Variants in VPS72 observed in about 807,000 individuals in gnomAD.
VPS72 encodes the protein vacuolar protein sorting 72 homolog, also known as vacuolar protein sorting-associated protein 72 homolog.
Under a neutral mutation model 38.9 loss-of-function variants are expected in VPS72, and 27 were observed. That is an observed-to-expected ratio of 0.69 (90% CI 0.51 to 0.96). VPS72 has a LOEUF of 0.96. VPS72 is among the 40% of genes least tolerant of loss of function. The probability of loss-of-function intolerance (pLI) is 0.00; values close to 1 mark genes in which losing one functional copy is unlikely to be tolerated. For synonymous variants in VPS72, 173 were observed against 186.3 expected (o/e 0.93, Z 0.58); for missense variants, 360 against 479.5 (o/e 0.75, Z 2.33).
At position 151,184,460 on chromosome 1, in the gene VPS72, T is replaced by C; in HGVS notation, c.419A>G (p.His140Arg). Residue 140 changes from histidine to arginine, a missense_variant, in exon 4 of 6, where the codon CAT (histidine) becomes CGT (arginine). Transcript: ENST00000368892. ...RKSMRQSTAE[H>R]TRQTFLRVQE... is the part of the protein sequence containing the mutation. Reference sequence around the variant, plus strand: ...TACCCGAAGGAACGTTTGTCGTGTATGCTCAGCTGTAGACTGACGCATAGA... The same window carrying C: ...TACCCGAAGGAACGTTTGTCGTGTACGCTCAGCTGTAGACTGACGCATAGA... 1 of 1,613,856 alleles carries C rather than the reference T, an allele frequency of 6.2e-7. No homozygotes were observed. Among genetic ancestry groups the C allele is most frequent in the Non-Finnish European group, 8.5e-7 (1 of 1,180,044 alleles).
Position 151,176,794 on chromosome 1 carries a change from G to A in VPS72, c.945C>T (p.Ala315=), listed in dbSNP as rs752495001. 1.2e-6 allele frequency: 2 copies of A among 1,614,198 alleles called. No individual in the cohort carries two copies. The highest frequency in any genetic ancestry group is 4.5e-5 in the East Asian group (2 of 44,886). ...TGTAAGCCTCACGAATGATCTTGAA[G>A]GCTCGAGCAGTGGCATAGGGTATGT... ...VTDIPYATAR[A]FKIIREAYKK... The change falls in exon 6 of 6, where the codon GCC becomes GCT. Residue 315 remains alanine, a synonymous_variant. Coordinates refer to ENST00000368892, the MANE Select transcript of VPS72 (RefSeq NM_005997.3).
chr1:151,182,372 C>T (rs1684259616), intron 4 of VPS72, among the ~76,000 whole-genome samples: 1 of 152,150 alleles, frequency 6.6e-6, no homozygotes, highest in Non-Finnish European at 1.5e-5. Context: ...GCCAATTCCT[C>T]CACCATGCTG....
chr1:151,178,015 G>A lies in VPS72; in HGVS notation c.693C>T (p.Asn231=), dbSNP rs748672949. Residue 231 remains asparagine (N), a synonymous_variant, in exon 5 of 6, where the codon AAC becomes AAT. Transcript: ENST00000368892. ...LVGEPGPKEE[N]VDIEGLDPAP... is the part of the protein sequence containing the mutation. ...GATTCACTCACCCTTCTATGTCAACGTTCTCTTCCTTGGGGCCTGGCTCCC... is the reference window on the plus strand; with the variant it reads ...GATTCACTCACCCTTCTATGTCAACATTCTCTTCCTTGGGGCCTGGCTCCC... 15 of 1,613,962 alleles carry A rather than the reference G, an allele frequency of 9.3e-6. No homozygotes were observed. The highest frequency in any genetic ancestry group is 2.2e-5 in the East Asian group (1 of 44,884).
At chr1:151,183,569 C>G (rs1305732286) in intron 4 of VPS72, among the ~76,000 whole-genome samples, 1 of 151,114 alleles carries the variant, frequency 6.6e-6, no homozygotes, top group Non-Finnish European at 1.5e-5. Flanking sequence ...TCAAATGATT[C>G]TCTTGCCTCA....
At position 151,178,138 on chromosome 1, in the gene VPS72, A is replaced by G. The variant is rs755130198; in HGVS notation, c.570T>C (p.Tyr190=). The G allele has an allele frequency of 5.0e-6, 8 of 1,613,696 alleles. No homozygotes were observed. The African/African-American group carries it at 6.7e-5, about 13-fold the overall frequency. The change falls in exon 5 of 6, where the codon TAT becomes TAC. Residue 190 remains tyrosine, a synonymous_variant. Coordinates refer to ENST00000368892, the MANE Select transcript of VPS72 (RefSeq NM_005997.3). ...EELNLRSLET[Y]ERLEADKKKQ... Reference sequence around the variant, plus strand: ...TCTTTTTATCAGCCTCGAGCCGCTCATATGTCTCTTTAGGGTCAAAGGAAG... The same window carrying G: ...TCTTTTTATCAGCCTCGAGCCGCTCGTATGTCTCTTTAGGGTCAAAGGAAG...
At chr1:151,185,397 A>C in intron 3 of VPS72, 109 bp downstream of exon 3, 1 of 1,084,556 alleles carries the variant, frequency 9.2e-7, no homozygotes, top group Non-Finnish European at 1.4e-6. Flanking sequence ...AAGTGCTGGG[A>C]TTCTAGGAGT....
intron 4 of VPS72, among the ~76,000 whole-genome samples, chr1:151,180,318 C>CAA (rs587629860): frequency 3.8e-5 from 5 of 130,082 alleles, no homozygotes; most frequent in South Asian, 2.5e-4. Context: ...GACTCCGTCT[C>CAA]AAAAAAAAAA....
At chr1:151,186,510 G>C (rs1438291255) in intron 1 of VPS72, among the ~76,000 whole-genome samples, 1 of 151,140 alleles carries the variant, frequency 6.6e-6, no homozygotes. Context: ...AGTGAGCTGA[G>C]ATAGTGCCAC....
In VPS72 at chr1:151,176,497, C is replaced by A; in HGVS notation, c.*147G>T. ...TATTTTATTAGATTAAAAAACACAA[C>A]GAAACCTGTAAGAACTAGGGGAAAA... On this transcript the variant is annotated 3_prime_UTR_variant, in exon 6 of 6. Coordinates refer to ENST00000368892, the MANE Select transcript of VPS72 (RefSeq NM_005997.3). The A allele has an allele frequency of 3.7e-6, 5 of 1,337,772 alleles. No individual in the cohort carries two copies. Among genetic ancestry groups the A allele is most frequent in the East Asian group, 2.3e-5 (1 of 43,122 alleles). 82.9% of individuals were successfully genotyped at this position (1,337,772 alleles called of 1,614,324 possible). A position where few individuals can be genotyped will look rare whatever the true frequency, so the allele number is the denominator to read the frequency against.
At chr1:151,182,756 C>CT (rs1214832670) in intron 4 of VPS72, among the ~76,000 whole-genome samples, 2 of 152,242 alleles carry the variant, frequency 1.3e-5, no homozygotes, top group African/African-American at 4.8e-5. Flanking sequence ...TTAACACAAA[C>CT]TCTCCTGGGT....
intron 3 of VPS72, 33 bp from the exon 4 acceptor site, chr1:151,184,526 A>T: frequency 6.5e-7 from 1 of 1,548,930 alleles, no homozygotes; most frequent in African/African-American, 1.4e-5. Flanking sequence ...GAAATCTTTG[A>T]ATTCATGTCC....
intron 1 of VPS72, among the ~76,000 whole-genome samples, chr1:151,186,343 G>A (rs1684348348): frequency 1.3e-5 from 2 of 151,970 alleles, no homozygotes; most frequent in South Asian, 4.1e-4. Flanking sequence ...CAGATCACTT[G>A]AGGCCAGGAG....
chr1:151,179,721 C>T (rs770932056), intron 4 of VPS72, among the ~76,000 whole-genome samples: 4 of 151,116 alleles, frequency 2.6e-5, no homozygotes, highest in African/African-American at 4.9e-5. Flanking sequence ...GGAGAAACCC[C>T]GTCTCTACTA....
chr1:151,177,376 A>G (rs867260371), intron 5 of VPS72, among the ~76,000 whole-genome samples: 3 of 136,100 alleles, frequency 2.2e-5, no homozygotes, highest in African/African-American at 8.3e-5. Flanking sequence ...CAGAGCAGCG[A>G]GACTCCATCT....
chr1:151,177,517 A>T (rs1339420372), intron 5 of VPS72, among the ~76,000 whole-genome samples: 1 of 152,124 alleles, frequency 6.6e-6, no homozygotes, highest in Non-Finnish European at 1.5e-5. Context: ...AAGCTAGGCT[A>T]GAAGGAAAAA....
At chr1:151,179,547 T>C (rs1373668523) in intron 4 of VPS72, among the ~76,000 whole-genome samples, 1 of 151,032 alleles carries the variant, frequency 6.6e-6, no homozygotes, top group Non-Finnish European at 1.5e-5. Context: ...TGCAGTGAGC[T>C]GAGATCGCGC....
intron 4 of VPS72, among the ~76,000 whole-genome samples, chr1:151,183,188 G>A (rs1195247347): frequency 6.6e-6 from 1 of 151,970 alleles, no homozygotes; most frequent in Non-Finnish European, 1.5e-5. Context: ...TTGGGAGGGT[G>A]AGGCGGGTGG....
chr1:151,185,507 G>C lies in VPS72; in HGVS notation c.384C>G (p.Asp128Glu). 1 of 1,613,992 alleles carries C rather than the reference G, an allele frequency of 6.2e-7. No individual in the cohort carries two copies. ...LPLELQDDGS[D>E]SRKSMRQSTA... ...ATTGACCCTAACATCCCTACTCACT[G>C]TCAGAGCCGTCATCTTGTAGTTCTA... The change falls in exon 3 of 6, where the codon GAC becomes GAG. Residue 128 changes from aspartate (D) to glutamate (E), a missense_variant and splice_region_variant. Coordinates refer to ENST00000368892, the MANE Select transcript of VPS72 (RefSeq NM_005997.3).
At chr1:151,182,095 T>C (rs1684254550) in intron 4 of VPS72, among the ~76,000 whole-genome samples, 1 of 152,172 alleles carries the variant, frequency 6.6e-6, no homozygotes. Flanking sequence ...TGGCACGATC[T>C]CGGCTCACCG....
Sources: allele counts gnomAD v4.1 joint callset (sites outside exome capture counted in the v4.1 genomes callset), GRCh38; gene constraint gnomAD v4.1.1; transcripts MANE v1.5; gene names NCBI Gene and HGNC (gene_info 2026-07-23, HGNC 2026-07-21).